The following MAML2 variants were observed in gnomAD, a reference collection of about 807,000 sequenced individuals.
The protein encoded by MAML2 is mastermind like transcriptional coactivator 2.
A neutral mutation model predicts 96.1 loss-of-function variants in MAML2; 22 were observed. The ratio of observed to expected loss-of-function variants is 0.23; its 90% CI spans 0.16 to 0.33. The LOEUF (loss-of-function observed/expected upper bound fraction) is 0.33. MAML2 is among the 10% of genes least tolerant of loss of function. MAML2 has a pLI of 1.00. For synonymous variants in MAML2, 561 were observed against 521.3 expected, an observed-to-expected ratio of 1.08 and a Z score of -1.04; for missense variants, 1,367 against 1,392.4, an observed-to-expected ratio of 0.98 and a Z score of 0.29.
intron 1 of MAML2, among the ~76,000 whole-genome samples, chr11:96,326,375 G>C (rs1487015631): frequency 2.0e-5 from 3 of 150,990 alleles, no homozygotes; most frequent in African/African-American, 4.8e-5. Flanking sequence ...GTGTGTGTGT[G>C]TGTGTGTGTG....
intron 1 of MAML2, among the ~76,000 whole-genome samples, chr11:96,107,755 C>T (rs897948370): frequency 4.6e-5 from 7 of 152,224 alleles, no homozygotes; most frequent in Admixed American, 2.6e-4. Context: ...TAATCAACCA[C>T]GTCTATGTAA....
chr11:96,274,431 A>G (rs1486085626), intron 1 of MAML2, among the ~76,000 whole-genome samples: 3 of 151,366 alleles, frequency 2.0e-5, no homozygotes, highest in Non-Finnish European at 4.4e-5. Flanking sequence ...ACATCTTTAC[A>G]CGTCTCTTTC....
At chr11:96,278,596 T>C (rs1863021996) in intron 1 of MAML2, among the ~76,000 whole-genome samples, 2 of 152,172 alleles carry the variant, frequency 1.3e-5, no homozygotes, top group South Asian at 4.1e-4. Flanking sequence ...TCACACAGGC[T>C]TTCCTAATGG....
chr11:96,124,550 T>C, intron 1 of MAML2, among the ~76,000 whole-genome samples: 1 of 152,236 alleles, frequency 6.6e-6, no homozygotes, highest in East Asian at 1.9e-4. Context: ...ATTGAGTTGT[T>C]TTAAACATTT....
chr11:96,031,901 G>A (rs1251712310), intron 2 of MAML2, among the ~76,000 whole-genome samples: 1 of 151,988 alleles, frequency 6.6e-6, no homozygotes, highest in East Asian at 1.9e-4. Context: ...CAGGAGAATG[G>A]CGTGAACCCG....
chr11:96,166,177 T>TCTCTCACACACACACA (rs530578845), intron 1 of MAML2, among the ~76,000 whole-genome samples: 16 of 110,384 alleles, frequency 1.4e-4, no homozygotes, highest in African/African-American at 4.2e-4. Context: ...TCTCTCTCTC[T>TCTCTCACACACACACA]CACACACACA....
intron 2 of MAML2, among the ~76,000 whole-genome samples, chr11:96,040,771 A>AAAAAC (rs1303324760): frequency 6.6e-6 from 1 of 152,202 alleles, no homozygotes; most frequent in African/African-American, 2.4e-5. Flanking sequence ...TGTCTCAAAG[A>AAAAAC]AAAACAAAAC....
At chr11:96,122,815 C>T (rs1054039101) in intron 1 of MAML2, among the ~76,000 whole-genome samples, 3 of 152,174 alleles carry the variant, frequency 2.0e-5, no homozygotes, top group Middle Eastern at 3.2e-3. Context: ...ATGTGATCCA[C>T]GATCATGGCC....
intron 2 of MAML2, among the ~76,000 whole-genome samples, chr11:96,018,028 C>T (rs1858382616): frequency 6.6e-6 from 1 of 152,160 alleles, no homozygotes; most frequent in African/African-American, 2.4e-5. Flanking sequence ...AGGAAGGCTA[C>T]AGGAATAATT....
At chr11:96,255,645 C>T (rs1276517079) in intron 1 of MAML2, among the ~76,000 whole-genome samples, 1 of 152,150 alleles carries the variant, frequency 6.6e-6, no homozygotes, top group Non-Finnish European at 1.5e-5. Context: ...TAACCTGACA[C>T]TGCACATCGT....
chr11:96,327,679 A>G (rs754677570), intron 1 of MAML2, among the ~76,000 whole-genome samples: 2 of 151,432 alleles, frequency 1.3e-5, no homozygotes, highest in African/African-American at 2.4e-5. Flanking sequence ...TCAGCCTCCC[A>G]AAGTGTTTGG....
chr11:96,327,060 T>C (rs745861419), intron 1 of MAML2, among the ~76,000 whole-genome samples: 7 of 152,150 alleles, frequency 4.6e-5, no homozygotes, highest in Non-Finnish European at 8.8e-5. Flanking sequence ...TGGGATAACA[T>C]GATGGGAGAT....
At chr11:96,063,447 C>T (rs1859198638) in intron 2 of MAML2, among the ~76,000 whole-genome samples, 1 of 152,164 alleles carries the variant, frequency 6.6e-6, no homozygotes, top group Admixed American at 6.6e-5. Flanking sequence ...TATATAAGAA[C>T]TCAATAAATT....
chr11:96,254,972 C>T (rs117760731), intron 1 of MAML2, among the ~76,000 whole-genome samples: 5,108 of 152,226 alleles, frequency 0.034, 91 homozygotes, highest in Middle Eastern at 0.048. Context: ...AGTGCCACCA[C>T]ACCCAGCTAA....
chr11:96,038,210 G>A (rs1858749529), intron 2 of MAML2, among the ~76,000 whole-genome samples: 1 of 152,156 alleles, frequency 6.6e-6, no homozygotes, highest in South Asian at 2.1e-4. Context: ...GGAAGGTTGT[G>A]GTTAGAAAAT....
At chr11:96,120,248 C>T (rs1860314665) in intron 1 of MAML2, among the ~76,000 whole-genome samples, 1 of 152,124 alleles carries the variant, frequency 6.6e-6, no homozygotes. Flanking sequence ...TGAGCCACCG[C>T]GTCCGGCCAA....
chr11:96,003,626 T>C (rs1428202026), intron 2 of MAML2, among the ~76,000 whole-genome samples: 1 of 152,170 alleles, frequency 6.6e-6, no homozygotes, highest in African/African-American at 2.4e-5. Flanking sequence ...TTTGGTTTTT[T>C]CTAAGTTGTA....
intron 1 of MAML2, among the ~76,000 whole-genome samples, chr11:96,188,427 G>C (rs1168756198): frequency 6.6e-6 from 1 of 152,136 alleles, no homozygotes; most frequent in Non-Finnish European, 1.5e-5. Context: ...TGACTGTAGA[G>C]TATTATTTTA....
chr11:96,064,484 T>C (rs1028819569), intron 2 of MAML2, among the ~76,000 whole-genome samples: 1 of 152,230 alleles, frequency 6.6e-6, no homozygotes, highest in South Asian at 2.1e-4. Flanking sequence ...TGTATATGTA[T>C]ATATGAAGAG....
Sources: allele counts gnomAD v4.1 joint callset (sites outside exome capture counted in the v4.1 genomes callset), GRCh38; gene constraint gnomAD v4.1.1; transcripts MANE v1.5; gene names NCBI Gene and HGNC (gene_info 2026-07-23, HGNC 2026-07-21).